Variants in DNAJC1 observed in about 807,000 individuals in gnomAD.
The protein encoded by DNAJC1 is dnaJ homolog subfamily C member 1.
DNAJC1 carries 58 observed loss-of-function variants against 76.6 expected under a neutral mutation model. That is an observed-to-expected ratio of 0.76 (90% CI 0.61 to 0.94). The LOEUF (loss-of-function observed/expected upper bound fraction) is 0.94. Ranked by LOEUF, DNAJC1 falls within the 40% of genes least tolerant of loss-of-function variation. The probability of loss-of-function intolerance (pLI) is 0.00; values close to 1 mark genes in which losing one functional copy is unlikely to be tolerated. For missense variants in DNAJC1, 689 were observed against 677.3 expected, an observed-to-expected ratio of 1.02 and a Z score of -0.19; for synonymous variants, 258 against 267.9, an observed-to-expected ratio of 0.96 and a Z score of 0.36.
intron 6 of DNAJC1, among the ~76,000 whole-genome samples, chr10:21,907,745 G>A (rs1030992631): frequency 6.6e-6 from 1 of 151,726 alleles, no homozygotes; most frequent in African/African-American, 2.4e-5. Context: ...GGGAAGCCCA[G>A]GTGGGCGGAT....
At chr10:21,779,247 G>C (rs1252439043) in intron 9 of DNAJC1, among the ~76,000 whole-genome samples, 1 of 152,186 alleles carries the variant, frequency 6.6e-6, no homozygotes, top group East Asian at 1.9e-4. Flanking sequence ...GAAGAGAGTA[G>C]TGGTTCTCCC....
intron 8 of DNAJC1, among the ~76,000 whole-genome samples, chr10:21,807,160 A>G (rs184673743): frequency 2.0e-5 from 3 of 152,288 alleles, no homozygotes; most frequent in African/African-American, 7.2e-5. Flanking sequence ...AAAAAGAAAG[A>G]GGGAAAGAAG....
At chr10:21,836,798 C>G (rs1835467243) in intron 8 of DNAJC1, among the ~76,000 whole-genome samples, 1 of 152,180 alleles carries the variant, frequency 6.6e-6, no homozygotes, top group East Asian at 1.9e-4. Flanking sequence ...TATATATGCA[C>G]CCGATACAGG....
At chr10:21,893,154 A>G (rs1836484866) in intron 7 of DNAJC1, among the ~76,000 whole-genome samples, 1 of 152,024 alleles carries the variant, frequency 6.6e-6, no homozygotes, top group South Asian at 2.1e-4. Context: ...ACTTAAAGGA[A>G]TTTAACTCAT....
At chr10:21,858,362 T>C (rs540732108) in intron 8 of DNAJC1, among the ~76,000 whole-genome samples, 1 of 152,336 alleles carries the variant, frequency 6.6e-6, no homozygotes, top group South Asian at 2.1e-4. Context: ...AAGTTTTCTA[T>C]TTTGAAAAGG....
intron 7 of DNAJC1, among the ~76,000 whole-genome samples, chr10:21,891,317 T>C (rs758889841): frequency 3.3e-5 from 5 of 151,408 alleles, no homozygotes; most frequent in Middle Eastern, 3.4e-3. Context: ...AGAAGACATA[T>C]AGAAGAACCA....
chr10:21,871,061 T>C (rs1455077690), intron 8 of DNAJC1, among the ~76,000 whole-genome samples: 1 of 152,084 alleles, frequency 6.6e-6, no homozygotes, highest in East Asian at 1.9e-4. Context: ...TTTCCTTAAC[T>C]TAAAACTAGC....
intron 7 of DNAJC1, among the ~76,000 whole-genome samples, chr10:21,903,931 G>A (rs1836701145): frequency 6.6e-6 from 1 of 152,194 alleles, no homozygotes; most frequent in African/African-American, 2.4e-5. Flanking sequence ...TGGGAGCCAA[G>A]ATGTAGATAA....
Position 21,967,866 on chromosome 10 carries a change from C to T in DNAJC1, c.222+35347G>A, listed in dbSNP as rs576963745. Among the ~76,000 whole-genome samples, 9 of 152,286 alleles carry T rather than the reference C, an allele frequency of 5.9e-5. No individual in the cohort carries two copies. In the South Asian group the frequency reaches 1.9e-3, roughly 32 times the overall value. ...CAAAACACAAAGGTGTCACACATGA[C>T]TTCTATTCACAATCCACTGCCAAAA... On this transcript the variant is annotated intron_variant, in intron 1 of 11. Coordinates refer to ENST00000376980, the MANE Select transcript of DNAJC1 (RefSeq NM_022365.4).
At chr10:21,858,536 A>C (rs1380816720) in intron 8 of DNAJC1, among the ~76,000 whole-genome samples, 1 of 152,250 alleles carries the variant, frequency 6.6e-6, no homozygotes, top group East Asian at 1.9e-4. Flanking sequence ...GCTGTATAGA[A>C]GATCTGTGTT....
chr10:21,883,733 C>A (rs139041621), intron 7 of DNAJC1, among the ~76,000 whole-genome samples: 1 of 152,298 alleles, frequency 6.6e-6, no homozygotes, highest in Non-Finnish European at 1.5e-5. Flanking sequence ...TAAGTGGAAG[C>A]TGCAGTTTGC....
At chr10:21,796,661 A>G (rs1834753490) in intron 9 of DNAJC1, among the ~76,000 whole-genome samples, 1 of 152,068 alleles carries the variant, frequency 6.6e-6, no homozygotes, top group South Asian at 2.1e-4. Context: ...GGTGTGAAGT[A>G]TCTTATTGTC....
At position 21,986,757 on chromosome 10, in the gene DNAJC1, ATTTTTTGTT is replaced by A. The variant is rs559100207; in HGVS notation, c.222+16447_222+16455del. Among the ~76,000 whole-genome samples the A allele has an allele frequency of 3.1e-3, 475 of 151,732 alleles. 4 individuals carry two copies. Among genetic ancestry groups the A allele is most frequent in the African/African-American group, 0.011 (440 of 41,348 alleles). On this transcript the variant is annotated intron_variant, in intron 1 of 11. Transcript: ENST00000376980. Reference sequence around the variant, plus strand: ...AGCTTGCTAACACTTTGGCTGGGAAATTTTTTGTTTTTTTTGTTTTTTTTCTTGAGACAG... The same window carrying A: ...AGCTTGCTAACACTTTGGCTGGGAAATTTTTTGTTTTTTTTCTTGAGACAG...
rs1419511037 is a variant in DNAJC1 at position 21,920,003 on chromosome 10, T to C, written c.538-74A>G. ...TTCAAATGTTATCTAGGCTCTTCTG[T>C]GAAGGGTAAACATTATAGAGGAACA... is the stretch of plus-strand genomic sequence containing the variant. On this transcript the variant is annotated intron_variant, in intron 4 of 11. Transcript: ENST00000376980. The C allele has an allele frequency of 3.2e-6, 3 of 930,908 alleles. No homozygotes were observed. The African/African-American group carries it at 5.0e-5, about 15-fold the overall frequency. The allele number at this position is 930,908 out of a possible 1,614,324, so 57.7% of individuals were successfully genotyped here. A position where few individuals can be genotyped will look rare whatever the true frequency, so the allele number is the denominator to read the frequency against.
intron 1 of DNAJC1, among the ~76,000 whole-genome samples, chr10:21,974,689 C>T (rs961076212): frequency 1.3e-5 from 2 of 152,130 alleles, no homozygotes; most frequent in South Asian, 2.1e-4. Flanking sequence ...GAAAACACTG[C>T]TCTAAAAACC....
chr10:21,967,266 C>T (rs776255296), intron 1 of DNAJC1, among the ~76,000 whole-genome samples: 3 of 152,106 alleles, frequency 2.0e-5, no homozygotes, highest in Non-Finnish European at 4.4e-5. Context: ...TTAGTTTTAC[C>T]TTTTCTAGAA....
chr10:21,885,824 A>G (rs1343543347), intron 7 of DNAJC1, among the ~76,000 whole-genome samples: 3 of 152,204 alleles, frequency 2.0e-5, no homozygotes, highest in Non-Finnish European at 4.4e-5. Flanking sequence ...TATCTGGGAC[A>G]CAGCTAAGGC....
chr10:21,923,258 C>T (rs1837066763), intron 3 of DNAJC1, among the ~76,000 whole-genome samples: 2 of 151,946 alleles, frequency 1.3e-5, no homozygotes, highest in Admixed American at 1.3e-4. Context: ...ACACGACTGG[C>T]CATTTTAAGG....
At chr10:21,809,406 C>G (rs1451985811) in intron 8 of DNAJC1, among the ~76,000 whole-genome samples, 1 of 151,546 alleles carries the variant, frequency 6.6e-6, no homozygotes, top group African/African-American at 2.4e-5. Flanking sequence ...AATACAGAAG[C>G]TAAAATTTTG....
Sources: allele counts gnomAD v4.1 joint callset (sites outside exome capture counted in the v4.1 genomes callset), GRCh38; gene constraint gnomAD v4.1.1; transcripts MANE v1.5; gene names NCBI Gene and HGNC (gene_info 2026-07-23, HGNC 2026-07-21).